WDR49: variants seen among roughly 807,000 people sequenced by gnomAD.
The protein encoded by WDR49 is cilia- and flagella-associated protein 337.
Under a neutral mutation model 119.5 loss-of-function variants are expected in WDR49, and 107 were observed. The observed-to-expected ratio is 0.90, with a 90% confidence interval of 0.77 to 1.05. The LOEUF is 1.05. Among genes scored for constraint, WDR49 ranks in the 50% least tolerant of loss-of-function variants. The pLI, the probability that WDR49 is intolerant of heterozygous loss-of-function variation, is 0.00. For missense variants in WDR49, 1,240 were observed against 1,220.5 expected (o/e 1.02, Z -0.24); for synonymous variants, 425 against 418.8 (o/e 1.01, Z -0.18).
In WDR49 at chr3:167,505,409, G is replaced by A; in HGVS notation, c.2782C>T (p.Pro928Ser). Reference sequence around the variant, plus strand: ...ATATCTAAATTTATATCTTCTGATGGTCTGACACTGGAAGAAAATATTTCA... The same window carrying A: ...ATATCTAAATTTATATCTTCTGATGATCTGACACTGGAAGAAAATATTTCA... Reference protein sequence around the residue: ...NKDDSTYNVRPSEDINLDIKY... With the variant: ...NKDDSTYNVRSSEDINLDIKY... Residue 928 changes from proline to serine, a missense_variant, in exon 17 of 19, where the codon CCA becomes TCA. By Grantham distance (74) the Pro-to-Ser change is moderately conservative. Coordinates refer to ENST00000682715, the MANE Select transcript of WDR49 (RefSeq NM_001366157.1). 2.7e-6 allele frequency: 4 copies of A among 1,508,558 alleles called. No individual in the cohort carries two copies. The highest frequency in any genetic ancestry group is 2.6e-6 in the Non-Finnish European group (3 of 1,137,670). 93.4% of individuals were successfully genotyped at this position (1,508,558 alleles called of 1,614,324 possible). A position where few individuals can be genotyped will look rare whatever the true frequency, so the allele number is the denominator to read the frequency against.
At chr3:167,636,679 G>A (rs1717635837) in intron 2 of WDR49, among the ~76,000 whole-genome samples, 1 of 151,506 alleles carries the variant, frequency 6.6e-6, no homozygotes, top group Admixed American at 6.6e-5. Flanking sequence ...TTTTGATTAT[G>A]GTCATTCTGC....
chr3:167,528,618 C>T (rs1752725941), intron 14 of WDR49, among the ~76,000 whole-genome samples: 1 of 151,954 alleles, frequency 6.6e-6, no homozygotes, highest in Non-Finnish European at 1.5e-5. Context: ...ACTCAGGAGG[C>T]TGAGGTGGGA....
At chr3:167,557,131 C>T (rs1048764505) in intron 9 of WDR49, among the ~76,000 whole-genome samples, 15 of 151,802 alleles carry the variant, frequency 9.9e-5, no homozygotes, top group East Asian at 3.9e-4. Context: ...TGAGAGGCAG[C>T]GGTTGCAGTG....
intron 7 of WDR49, among the ~76,000 whole-genome samples, chr3:167,591,936 A>T (rs1715136831): frequency 6.6e-6 from 1 of 151,444 alleles, no homozygotes; most frequent in South Asian, 2.1e-4. Context: ...CCATTTTGTT[A>T]TTTGTTTTCT....
At chr3:167,580,142 A>C (rs2108287415) in intron 7 of WDR49, among the ~76,000 whole-genome samples, 1 of 152,292 alleles carries the variant, frequency 6.6e-6, no homozygotes, top group East Asian at 1.9e-4. Context: ...TTAAAACTAG[A>C]AATTTTTTTC....
At chr3:167,601,659 T>C (rs1385964047) in intron 7 of WDR49, among the ~76,000 whole-genome samples, 1 of 152,108 alleles carries the variant, frequency 6.6e-6, no homozygotes, top group Admixed American at 6.6e-5. Flanking sequence ...AAAACAGAAA[T>C]GAACTGATAC....
chr3:167,559,203 C>T (rs941719588), intron 9 of WDR49, among the ~76,000 whole-genome samples: 1 of 152,152 alleles, frequency 6.6e-6, no homozygotes, highest in Non-Finnish European at 1.5e-5. Context: ...GGTAGCTTTC[C>T]ATCACTCTCC....
rs143799229 is a variant in WDR49 at position 167,635,097 on chromosome 3, C to T, written c.166-7805G>A. On this transcript the variant is annotated intron_variant, in intron 2 of 18. Transcript: ENST00000682715. ...TTAAAAATTTCAATTATTCCCAAGG[C>T]TTTACAGTTTTATATAAACAACCCA... 7.4e-3 allele frequency among the ~76,000 whole-genome samples: 1,125 copies of T among 151,744 alleles called. 36 individuals are homozygous for T. The highest frequency in any genetic ancestry group is 0.058 in the Admixed American group (884 of 15,172).
intron 14 of WDR49, 92 bp from the exon 15 acceptor site, chr3:167,528,109 C>T (rs1007661052): frequency 1.8e-6 from 2 of 1,092,046 alleles, no homozygotes; most frequent in South Asian, 1.7e-5. Context: ...GATTTTCAAA[C>T]TTGGGAACAA....
intron 7 of WDR49, among the ~76,000 whole-genome samples, chr3:167,600,493 G>C (rs937419398): frequency 2.0e-5 from 3 of 152,120 alleles, no homozygotes; most frequent in African/African-American, 7.2e-5. Context: ...TTCTTATGAA[G>C]GTGTTTTTGT....
intron 18 of WDR49, among the ~76,000 whole-genome samples, chr3:167,484,194 T>C (rs1313482592): frequency 1.3e-5 from 2 of 152,138 alleles, no homozygotes; most frequent in African/African-American, 4.8e-5. Context: ...GCAAATGTAG[T>C]TCAAGTCCCT....
intron 17 of WDR49, among the ~76,000 whole-genome samples, chr3:167,504,472 C>G (rs1380083752): frequency 1.3e-5 from 2 of 152,178 alleles, no homozygotes; most frequent in African/African-American, 4.8e-5. Context: ...CCAGTTTCTC[C>G]TTTTAGAATG....
intron 18 of WDR49, among the ~76,000 whole-genome samples, chr3:167,497,860 C>T (rs1238375262): frequency 6.8e-6 from 1 of 146,090 alleles, no homozygotes; most frequent in Non-Finnish European, 1.5e-5. Context: ...AAGATAAGTA[C>T]TTCCCATATT....
intron 18 of WDR49, among the ~76,000 whole-genome samples, chr3:167,492,071 G>A (rs1751155683): frequency 6.6e-6 from 1 of 151,254 alleles, no homozygotes; most frequent in Non-Finnish European, 1.5e-5. Context: ...CAGCAAAGTG[G>A]AAAAAATGCA....
At chr3:167,578,194 T>C (rs148139121) in intron 7 of WDR49, among the ~76,000 whole-genome samples, 199 of 152,254 alleles carry the variant, frequency 1.3e-3, no homozygotes, top group Middle Eastern at 3.4e-3. Context: ...TGGTGGCCTC[T>C]TGATTCTCTC....
intron 9 of WDR49, 122 bp from the exon 10 acceptor site, chr3:167,554,920 C>T: frequency 2.9e-6 from 2 of 692,434 alleles, no homozygotes; most frequent in Admixed American, 3.0e-5. Context: ...TTGAATTTTG[C>T]CACTATATTA....
intron 2 of WDR49, among the ~76,000 whole-genome samples, chr3:167,644,713 T>C (rs1217508604): frequency 6.6e-6 from 1 of 152,186 alleles, no homozygotes; most frequent in African/African-American, 2.4e-5. Flanking sequence ...TTAAAAAGTA[T>C]ACATGTGGTA....
chr3:167,550,217 C>T (rs1712468858), intron 10 of WDR49, among the ~76,000 whole-genome samples: 2 of 152,090 alleles, frequency 1.3e-5, no homozygotes, highest in African/African-American at 4.8e-5. Context: ...GTAGTTTTTT[C>T]CAATTCTGTG....
chr3:167,591,829 G>T (rs1351529652), intron 7 of WDR49, among the ~76,000 whole-genome samples: 2 of 150,736 alleles, frequency 1.3e-5, no homozygotes, highest in Non-Finnish European at 3.0e-5. Flanking sequence ...ATTGGGTCTT[G>T]TTTTTTTTTA....
Sources: gnomAD v4.1 joint callset for allele counts (sites outside exome capture counted in the v4.1 genomes callset) on GRCh38, gnomAD v4.1.1 for gene constraint, MANE v1.5 for transcripts, NCBI Gene and HGNC (gene_info 2026-07-23, HGNC 2026-07-21) for gene names.